The following PLCXD3 variants were observed in gnomAD, a reference collection of about 807,000 sequenced individuals.
PLCXD3 encodes phosphatidylinositol specific phospholipase C X domain containing 3.
Under a neutral mutation model 25.5 loss-of-function variants are expected in PLCXD3, and 19 were observed. The observed-to-expected ratio is 0.75, with a 90% CI of 0.52 to 1.09. The LOEUF is 1.09. PLCXD3 is among the 50% of genes least tolerant of loss of function. The pLI is 0.00. For synonymous variants in PLCXD3, 174 were observed against 137.6 expected, an observed-to-expected ratio of 1.26 and a Z score of -1.85; for missense variants, 411 against 388.1, an observed-to-expected ratio of 1.06 and a Z score of -0.50.
chr5:41,504,563 G>A (rs1412329243), intron 1 of PLCXD3, among the ~76,000 whole-genome samples: 2 of 152,208 alleles, frequency 1.3e-5, no homozygotes, highest in African/African-American at 2.4e-5. Flanking sequence ...CAAGCTCTGG[G>A]AGCCTTTGAC....
rs1561227603 is a variant in PLCXD3 at position 41,312,549 on chromosome 5, TC to T, written c.*1067del. On this transcript the variant is annotated 3_prime_UTR_variant, in exon 3 of 3. Coordinates refer to ENST00000377801, the MANE Select transcript of PLCXD3 (RefSeq NM_001005473.3). The stretch of plus-strand genomic sequence containing the variant: ...GTCTTTTTCTTCTTCCTTCCTCTCT[TC>T]CTCCCTCCCTCCCTCTCTTCCTCCC... The T allele has an allele frequency of 3.3e-5, 5 of 150,866 alleles. No individual in the cohort carries two copies. Among genetic ancestry groups the T allele is most frequent in the African/African-American group, 1.2e-4 (5 of 40,936 alleles). The allele number at this position is 150,866 out of a possible 1,614,324, so 9.3% of individuals were successfully genotyped here. A position where few individuals can be genotyped will look rare whatever the true frequency, so the allele number is the denominator to read the frequency against.
chr5:41,393,193 A>G (rs770660435), intron 1 of PLCXD3, among the ~76,000 whole-genome samples: 4 of 152,210 alleles, frequency 2.6e-5, no homozygotes, highest in Non-Finnish European at 4.4e-5. Flanking sequence ...AGAGAAAGAT[A>G]TCAACATCCA....
At chr5:41,490,515 A>G (rs1276843529) in intron 1 of PLCXD3, among the ~76,000 whole-genome samples, 2 of 152,192 alleles carry the variant, frequency 1.3e-5, no homozygotes, top group African/African-American at 4.8e-5. Flanking sequence ...GAATGGTACC[A>G]GTTCCTCCTT....
intron 1 of PLCXD3, among the ~76,000 whole-genome samples, chr5:41,433,029 C>T (rs1204369351): frequency 1.3e-5 from 2 of 152,206 alleles, no homozygotes; most frequent in African/African-American, 4.8e-5. Flanking sequence ...CAGGTGAGGT[C>T]AGAATGCTGC....
intron 1 of PLCXD3, among the ~76,000 whole-genome samples, chr5:41,429,711 T>C (rs985943226): frequency 6.6e-6 from 1 of 151,740 alleles, no homozygotes; most frequent in African/African-American, 2.4e-5. Flanking sequence ...TATAGAAATA[T>C]GATAAGGAGG....
chr5:41,490,926 C>G (rs1400076112), intron 1 of PLCXD3, among the ~76,000 whole-genome samples: 1 of 152,096 alleles, frequency 6.6e-6, no homozygotes, highest in Non-Finnish European at 1.5e-5. Context: ...TTTTGTGTCT[C>G]TATTTCCTTC....
intron 2 of PLCXD3, among the ~76,000 whole-genome samples, chr5:41,376,220 CT>C (rs2150490666): frequency 6.6e-6 from 1 of 152,228 alleles, no homozygotes; most frequent in African/African-American, 2.4e-5. Context: ...TAAAATGATA[CT>C]GTAAATGGTA....
At chr5:41,333,235 C>T (rs1240922319) in intron 2 of PLCXD3, among the ~76,000 whole-genome samples, 2 of 152,180 alleles carry the variant, frequency 1.3e-5, no homozygotes, top group Non-Finnish European at 2.9e-5. Context: ...AAATAATGAT[C>T]ATGGATCTTT....
chr5:41,408,347 C>G (rs1211844918), intron 1 of PLCXD3, among the ~76,000 whole-genome samples: 2 of 152,160 alleles, frequency 1.3e-5, no homozygotes, highest in African/African-American at 4.8e-5. Flanking sequence ...TTCCTGAGCC[C>G]TGAGTTTCCT....
In PLCXD3 at chr5:41,307,730, C is replaced by A. The variant is rs1331276082; in HGVS notation, c.*5887G>T. ...CACCTTTCTACAATTCCGTAGATGA[C>A]CAGTTTTAACCTGATAAAAATAATT... On this transcript the variant is annotated 3_prime_UTR_variant, in exon 3 of 3. Coordinates refer to ENST00000377801, the MANE Select transcript of PLCXD3 (RefSeq NM_001005473.3). The A allele has an allele frequency of 6.6e-6, 1 of 151,996 alleles. No individual in the cohort carries two copies. The highest frequency in any genetic ancestry group is 1.9e-4 in the East Asian group (1 of 5,178). 9.4% of individuals were successfully genotyped at this position (151,996 alleles called of 1,614,324 possible). A position where few individuals can be genotyped will look rare whatever the true frequency, so the allele number is the denominator to read the frequency against.
chr5:41,383,087 C>T (rs1401731967), intron 1 of PLCXD3, among the ~76,000 whole-genome samples: 1 of 152,074 alleles, frequency 6.6e-6, no homozygotes, highest in Non-Finnish European at 1.5e-5. Context: ...AAGGCAGTAC[C>T]ATGCTGACAT....
chr5:41,385,222 A>T (rs1745600131), intron 1 of PLCXD3, among the ~76,000 whole-genome samples: 1 of 152,012 alleles, frequency 6.6e-6, no homozygotes, highest in South Asian at 2.1e-4. Flanking sequence ...TTGATCTTGA[A>T]CTTTTCGGCT....
intron 1 of PLCXD3, among the ~76,000 whole-genome samples, chr5:41,465,712 G>A (rs1000325718): frequency 6.6e-6 from 1 of 151,978 alleles, no homozygotes; most frequent in Non-Finnish European, 1.5e-5. Flanking sequence ...GGGCCAGGGA[G>A]CATGTGTCTG....
intron 1 of PLCXD3, among the ~76,000 whole-genome samples, chr5:41,499,006 T>C (rs910699925): frequency 1.3e-5 from 2 of 151,464 alleles, no homozygotes; most frequent in Non-Finnish European, 3.0e-5. Flanking sequence ...AAATATACCT[T>C]GACACAATAA....
At position 41,381,971 on chromosome 5, in the gene PLCXD3, C is replaced by T. The variant is rs769371561; in HGVS notation, c.667G>A (p.Glu223Lys). Residue 223 changes from glutamate (E) to lysine (K), a missense_variant, in exon 2 of 3, where the codon GAG becomes AAG. By Grantham distance (56) the Glu-to-Lys change is moderately conservative. Transcript: ENST00000377801. ...GCTTGAAGAAACTGGATCAGTTTCT[C>T]GGGGTCTGTGGTGTTGGCCCAGGGT... Reference protein sequence around the residue: ...PAPWANTTDPEKLIQFLQASI... With the variant: ...PAPWANTTDPKKLIQFLQASI... 29 of 1,613,312 alleles carry T rather than the reference C, an allele frequency of 1.8e-5. No homozygotes were observed. The highest frequency in any genetic ancestry group is 3.3e-5 in the Admixed American group (2 of 59,870).
At chr5:41,407,867 T>C (rs1363067412) in intron 1 of PLCXD3, among the ~76,000 whole-genome samples, 2 of 152,192 alleles carry the variant, frequency 1.3e-5, no homozygotes, top group East Asian at 1.9e-4. Flanking sequence ...GTGTAAAGCC[T>C]CCTCCTCAGT....
chr5:41,361,856 A>G (rs1296514308), intron 2 of PLCXD3, among the ~76,000 whole-genome samples: 1 of 152,208 alleles, frequency 6.6e-6, no homozygotes, highest in Non-Finnish European at 1.5e-5. Context: ...AATTATCACA[A>G]TTTTAATATA....
Position 41,313,268 on chromosome 5 carries a change from T to C in PLCXD3, c.*349A>G, listed in dbSNP as rs1166930998. 2.9e-5 allele frequency: 6 copies of C among 208,590 alleles called. No homozygotes were observed. The highest frequency in any genetic ancestry group is 2.6e-4 in the Admixed American group (5 of 18,908). The allele number at this position is 208,590 out of a possible 1,614,324, so 12.9% of individuals were successfully genotyped here. On this transcript the variant is annotated 3_prime_UTR_variant, in exon 3 of 3. Transcript: ENST00000377801. Reference sequence around the variant, plus strand: ...GAGAGGGAGCAGAAAGGTTGCAGGGTATAGACAGCGTAGGAGTCATAGGCT... The same window carrying C: ...GAGAGGGAGCAGAAAGGTTGCAGGGCATAGACAGCGTAGGAGTCATAGGCT...
chr5:41,403,401 G>GTTTTTGTTTTTGTTTTTGTT (rs1554047952), intron 1 of PLCXD3, among the ~76,000 whole-genome samples: 5 of 18,394 alleles, frequency 2.7e-4, no homozygotes, highest in African/African-American at 9.2e-4. Flanking sequence ...CTTATTTGTT[G>GTTTTTGTTTTTGTTTTTGTT]TTTTTTTTTT....
Sources: allele counts gnomAD v4.1 joint callset (sites outside exome capture counted in the v4.1 genomes callset), GRCh38; gene constraint gnomAD v4.1.1; transcripts MANE v1.5; gene names NCBI Gene and HGNC (gene_info 2026-07-23, HGNC 2026-07-21).